Variants in PARD3B observed in about 807,000 individuals in gnomAD.
The protein encoded by PARD3B is par-3 family cell polarity regulator beta, also known as partitioning defective 3 homolog B.
A neutral mutation model predicts 130.2 loss-of-function variants in PARD3B; 103 were observed. The ratio of observed to expected loss-of-function variants is 0.79; its 90% CI spans 0.67 to 0.93. The LOEUF is 0.93. Among genes scored for constraint, PARD3B ranks in the 40% least tolerant of loss-of-function variants. The pLI, the probability that PARD3B is intolerant of heterozygous loss-of-function variation, is 0.00. For synonymous variants in PARD3B, 583 were observed against 553.2 expected (o/e 1.05, Z -0.76); for missense variants, 1,609 against 1,499.2 (o/e 1.07, Z -1.21).
chr2:205,402,118 G>A (rs144058151), intron 19 of PARD3B, among the ~76,000 whole-genome samples: 8 of 152,196 alleles, frequency 5.3e-5, no homozygotes, highest in South Asian at 2.1e-4. Flanking sequence ...GTCTGTTCCC[G>A]TTGAGAAGGC....
chr2:204,787,972 C>T lies in PARD3B; in HGVS notation c.222+101690C>T, dbSNP rs964608942. 3.9e-4 allele frequency among the ~76,000 whole-genome samples: 59 copies of T among 152,164 alleles called. 1 individual carries two copies. The highest frequency in any genetic ancestry group is 1.2e-3 in the African/African-American group (48 of 41,440). The stretch of plus-strand genomic sequence containing the variant: ...CTCCTGATCATCATCTCTGCACTTC[C>T]GTACAGTATCTGGTCTGTATTAGAT... On this transcript the variant is annotated intron_variant, in intron 2 of 22. Transcript: ENST00000406610.
At chr2:204,649,364 GA>G (rs965000819) in intron 1 of PARD3B, among the ~76,000 whole-genome samples, 4 of 151,850 alleles carry the variant, frequency 2.6e-5, no homozygotes, top group African/African-American at 9.7e-5. Context: ...AGGAGAAATT[GA>G]AAATTGTTTT....
chr2:205,040,614 A>G (rs1429473476), intron 3 of PARD3B, among the ~76,000 whole-genome samples: 1 of 152,172 alleles, frequency 6.6e-6, no homozygotes, highest in African/African-American at 2.4e-5. Flanking sequence ...CTATGCTATT[A>G]ATATGGATTA....
chr2:205,019,302 G>C lies in PARD3B; in HGVS notation c.395-28279G>C, dbSNP rs375986463. On this transcript the variant is annotated intron_variant, in intron 3 of 22. Coordinates refer to ENST00000406610, the MANE Select transcript of PARD3B (RefSeq NM_001302769.2). ...GTTTTCAAGGTTCATCCATGCTGTAGCAAGTATCAGTACTTTATTTTCTTT... is the reference window on the plus strand; with the variant it reads ...GTTTTCAAGGTTCATCCATGCTGTACCAAGTATCAGTACTTTATTTTCTTT... Among the ~76,000 whole-genome samples the C allele has an allele frequency of 5.9e-5, 9 of 152,234 alleles. No individual in the cohort carries two copies. The South Asian group carries it at 1.9e-3, about 32-fold the overall frequency.
rs2033712473 is a variant in PARD3B at position 204,606,042 on chromosome 2, A to G, written c.120+59923A>G. On this transcript the variant is annotated intron_variant, in intron 1 of 22. Transcript: ENST00000406610. The surrounding 1 kb of genome is among the most constrained non-coding windows in gnomAD (Gnocchi z 4.0). ...CTCCCTCTCTCCATTGGGACATGAT[A>G]TTACCAAGAAGTGCTTTAGAGGGTT... 6.6e-6 allele frequency among the ~76,000 whole-genome samples: 1 copy of G among 152,088 alleles called. No individual in the cohort carries two copies. The highest frequency in any genetic ancestry group is 2.4e-5 in the African/African-American group (1 of 41,420).
intron 2 of PARD3B, among the ~76,000 whole-genome samples, chr2:204,846,804 A>C (rs2044479383): frequency 6.6e-6 from 1 of 151,744 alleles, no homozygotes; most frequent in Non-Finnish European, 1.5e-5. Context: ...GAAAAAAATT[A>C]ATTCTTATAC....
chr2:204,545,842 G>T lies in PARD3B; in HGVS notation c.-158G>T, dbSNP rs2029885776. ...CCACCTGCCGCCTGGCCAGGTGGAA[G>T]GGGCGCTGCCGCGAGCCTCCGGGCC... On this transcript the variant is annotated 5_prime_UTR_variant, in exon 1 of 23. The change creates a new upstream start codon in the 5' untranslated region. Coordinates refer to ENST00000406610, the MANE Select transcript of PARD3B (RefSeq NM_001302769.2). The T allele has an allele frequency of 1.3e-6, 1 of 757,322 alleles. No homozygotes were observed. The highest frequency in any genetic ancestry group is 1.9e-6 in the Non-Finnish European group (1 of 523,950). The allele number at this position is 757,322 out of a possible 1,614,324, so 46.9% of individuals were successfully genotyped here. A position where few individuals can be genotyped will look rare whatever the true frequency, so the allele number is the denominator to read the frequency against.
At chr2:204,726,935 A>G (rs559956475) in intron 2 of PARD3B, among the ~76,000 whole-genome samples, 4 of 152,216 alleles carry the variant, frequency 2.6e-5, no homozygotes, top group Non-Finnish European at 5.9e-5. Flanking sequence ...CAATTCTTTA[A>G]TCGTTTTCCT....
chr2:204,795,281 T>A (rs1411723687), intron 2 of PARD3B, among the ~76,000 whole-genome samples: 1 of 152,132 alleles, frequency 6.6e-6, no homozygotes, highest in East Asian at 1.9e-4. Flanking sequence ...AGTGATTGAG[T>A]CATTTTGATA....
chr2:204,694,491 T>C (rs777188687), intron 2 of PARD3B, among the ~76,000 whole-genome samples: 1 of 152,090 alleles, frequency 6.6e-6, no homozygotes, highest in Non-Finnish European at 1.5e-5. Flanking sequence ...AGTTCAGTGT[T>C]TCATAAACAT....
chr2:204,963,516 A>G (rs1399072784), intron 2 of PARD3B, among the ~76,000 whole-genome samples: 1 of 152,196 alleles, frequency 6.6e-6, no homozygotes, highest in Non-Finnish European at 1.5e-5. Flanking sequence ...AAATGTTAAA[A>G]TGAACATTAC....
intron 2 of PARD3B, among the ~76,000 whole-genome samples, chr2:204,945,820 G>A (rs963338075): frequency 6.6e-6 from 1 of 152,130 alleles, no homozygotes; most frequent in African/African-American, 2.4e-5. Context: ...TTTCAGTTTA[G>A]CCTTAATTCC....
rs919020935 is a variant in PARD3B at position 205,301,325 on chromosome 2, G to A, written c.2393-139G>A. On this transcript the variant is annotated intron_variant, in intron 17 of 22. Coordinates refer to ENST00000406610, the MANE Select transcript of PARD3B (RefSeq NM_001302769.2). The surrounding 1 kb of genome is among the most constrained non-coding windows in gnomAD (Gnocchi z 5.2). ...AGATTTAGGCAGTCAGATCTTCAAA[G>A]GGCGCACGTAACCACATAGAAGGGT... 1.6e-5 allele frequency: 22 copies of A among 1,407,062 alleles called. No homozygotes were observed. In the African/African-American group the frequency reaches 2.5e-4, roughly 16 times the overall value. The allele number at this position is 1,407,062 out of a possible 1,614,324, so 87.2% of individuals were successfully genotyped here.
chr2:204,819,167 A>G (rs1028942288), intron 2 of PARD3B, among the ~76,000 whole-genome samples: 4 of 152,150 alleles, frequency 2.6e-5, no homozygotes, highest in African/African-American at 9.7e-5. Flanking sequence ...CACATTGTAG[A>G]TATTGTGTTT....
At chr2:204,581,482 A>G (rs1233683390) in intron 1 of PARD3B, among the ~76,000 whole-genome samples, 2 of 151,984 alleles carry the variant, frequency 1.3e-5, no homozygotes, top group African/African-American at 4.8e-5. Context: ...TTAAAAACTC[A>G]CTGGAGAAAG....
chr2:204,986,731 T>G (rs1468990756), intron 3 of PARD3B, among the ~76,000 whole-genome samples: 1 of 152,208 alleles, frequency 6.6e-6, no homozygotes, highest in Non-Finnish European at 1.5e-5. Flanking sequence ...AAGAGTAATT[T>G]TCATTGGAAT....
At chr2:205,239,138 T>C (rs2039238779) in intron 15 of PARD3B, among the ~76,000 whole-genome samples, 1 of 151,850 alleles carries the variant, frequency 6.6e-6, no homozygotes, top group South Asian at 2.1e-4. Flanking sequence ...AAAGACTCAG[T>C]AATTAAATCA....
chr2:205,566,247 G>A (rs1344826682), intron 22 of PARD3B, among the ~76,000 whole-genome samples: 2 of 152,200 alleles, frequency 1.3e-5, no homozygotes, highest in South Asian at 2.1e-4. Flanking sequence ...AGATGATATG[G>A]TTGGATTTGT....
chr2:205,218,534 G>A (rs565107047), intron 15 of PARD3B, among the ~76,000 whole-genome samples: 7 of 152,170 alleles, frequency 4.6e-5, no homozygotes, highest in African/African-American at 1.4e-4. Context: ...TATGCAGAGA[G>A]ATTGCTAAAA....
Sources: gnomAD v4.1 joint callset for allele counts (sites outside exome capture counted in the v4.1 genomes callset) on GRCh38, gnomAD v4.1.1 for gene constraint, Gnocchi (gnomAD v3.1) non-coding constraint, MANE v1.5 for transcripts, NCBI Gene and HGNC (gene_info 2026-07-23, HGNC 2026-07-21) for gene names.